Variants in IQSEC1 observed in about 807,000 individuals in gnomAD.
The protein encoded by IQSEC1 is IQ motif and Sec7 domain ArfGEF 1.
Under a neutral mutation model 91.0 loss-of-function variants are expected in IQSEC1, and 31 were observed. That is an observed-to-expected ratio of 0.34 (90% confidence interval 0.26 to 0.46). The LOEUF is 0.46. Ranked by LOEUF, IQSEC1 falls within the 20% of genes least tolerant of loss-of-function variation. IQSEC1 has a pLI of 1.00. For missense variants in IQSEC1, 1,388 were observed against 1,575.6 expected (o/e 0.88, Z 2.02); for synonymous variants, 699 against 662.6 (o/e 1.05, Z -0.84).
rs532092444 is a variant in IQSEC1 at position 12,899,301 on chromosome 3, C to T, written c.*1682G>A. 1.0e-4 allele frequency: 148 copies of T among 1,435,034 alleles called. No homozygotes were observed. The highest frequency in any genetic ancestry group is 4.0e-4 in the Middle Eastern group (2 of 5,012). The allele number at this position is 1,435,034 out of a possible 1,614,324, so 88.9% of individuals were successfully genotyped here. On this transcript the variant is annotated 3_prime_UTR_variant, in exon 14 of 14. Transcript: ENST00000613206. ...GCTGTCCACTGGGAACGCGGCCCCG[C>T]GGCCCGCAGAGTCAGGCGTGAGCTT...
chr3:13,047,557 GT>G, intron 1 of IQSEC1: 1 of 976,456 alleles, frequency 1.0e-6, no homozygotes, highest in African/African-American at 1.8e-5. Context: ...GTTACTTATG[GT>G]CCCACACACA....
intron 6 of IQSEC1, among the ~76,000 whole-genome samples, chr3:12,919,338 G>A (rs1696398367): frequency 6.6e-6 from 1 of 152,216 alleles, no homozygotes. Context: ...GCCCCAGCCT[G>A]CTCAGCGCCC....
At chr3:13,028,157 T>C (rs766283680) in intron 1 of IQSEC1, among the ~76,000 whole-genome samples, 1 of 152,078 alleles carries the variant, frequency 6.6e-6, no homozygotes, top group Non-Finnish European at 1.5e-5. Context: ...TGCTTATCCA[T>C]TTCTCACGCC....
chr3:12,925,220 C>G (rs767296596), intron 3 of IQSEC1, among the ~76,000 whole-genome samples: 10 of 152,236 alleles, frequency 6.6e-5, no homozygotes, highest in Non-Finnish European at 1.5e-4. Flanking sequence ...TGAAAGCCGC[C>G]ATGCCAGGCT....
chr3:13,168,519 C>A (rs2124995777), intron 1 of IQSEC1, among the ~76,000 whole-genome samples: 1 of 152,334 alleles, frequency 6.6e-6, no homozygotes, highest in South Asian at 2.1e-4. Context: ...TCTACCTTCA[C>A]TCTGCAGCAG....
intron 1 of IQSEC1, among the ~76,000 whole-genome samples, chr3:13,198,162 G>GC (rs11407127): frequency 0.11 from 16,145 of 152,140 alleles, 1,806 homozygotes; most frequent in East Asian, 0.3. Context: ...TTCTGCTCAT[G>GC]CCCCACAGAG....
At chr3:13,112,500 A>T (rs1706263700) in intron 2 of IQSEC1, among the ~76,000 whole-genome samples, 1 of 152,204 alleles carries the variant, frequency 6.6e-6, no homozygotes, top group African/African-American at 2.4e-5. Context: ...CGTCCGGAAA[A>T]AGCTCTGCCC....
chr3:13,240,103 G>A lies in IQSEC1; in HGVS notation c.272+42608C>T, dbSNP rs76635779. The stretch of plus-strand genomic sequence containing the variant: ...AAAAAAACAAACCTTGGCCGGCCGG[G>A]TGTGGTGGTTCATGCCTATAATCCT... On this transcript the variant is annotated intron_variant, in intron 1 of 15. Transcript: ENST00000648114. 6.0e-4 allele frequency among the ~76,000 whole-genome samples: 91 copies of A among 152,290 alleles called. No individual in the cohort carries two copies. In the East Asian group the frequency reaches 0.016, roughly 27 times the overall value.
chr3:13,015,055 G>A (rs1013691006), intron 1 of IQSEC1, among the ~76,000 whole-genome samples: 8 of 152,204 alleles, frequency 5.3e-5, no homozygotes, highest in Admixed American at 1.3e-4. Context: ...CCATAGGGTT[G>A]AGGGGGGCAG....
At chr3:12,973,810 C>T (rs962226164) in intron 1 of IQSEC1, among the ~76,000 whole-genome samples, 2 of 152,112 alleles carry the variant, frequency 1.3e-5, no homozygotes, top group African/African-American at 4.8e-5. Flanking sequence ...GTGCTGCCCA[C>T]CCATTGTTCA....
chr3:12,955,340 G>A (rs1199369838), intron 1 of IQSEC1, among the ~76,000 whole-genome samples: 10 of 152,248 alleles, frequency 6.6e-5, no homozygotes, highest in African/African-American at 2.4e-4. Context: ...TGCCGGGCTG[G>A]GCCGGGCATT....
chr3:13,215,666 A>G (rs150317796), intron 1 of IQSEC1, among the ~76,000 whole-genome samples: 19 of 152,298 alleles, frequency 1.2e-4, no homozygotes, highest in Non-Finnish European at 2.5e-4. Flanking sequence ...GGATGTGTTG[A>G]TGGGGCCCAG....
In IQSEC1 at chr3:12,965,127, TTC is replaced by T. The variant is rs529335050; in HGVS notation, c.24-23264_24-23263del. Among the ~76,000 whole-genome samples the T allele has an allele frequency of 1.7e-4, 26 of 152,288 alleles. No homozygotes were observed. The South Asian group carries it at 5.4e-3, about 32-fold the overall frequency. ...GTGATATTCTGGCCCAGTCTCTGGG[TTC>T]TCTTAGTGTGTGTACCCTTAAAAAA... On this transcript the variant is annotated intron_variant, in intron 1 of 13. Coordinates refer to ENST00000613206, the MANE Select transcript of IQSEC1 (RefSeq NM_001134382.3).
chr3:13,265,405 C>A (rs925687919), intron 1 of IQSEC1, among the ~76,000 whole-genome samples: 1 of 152,236 alleles, frequency 6.6e-6, no homozygotes, highest in Non-Finnish European at 1.5e-5. Flanking sequence ...CACCCCCACT[C>A]CCTCAAACTC....
chr3:12,993,284 G>A (rs1333598539), intron 1 of IQSEC1, among the ~76,000 whole-genome samples: 1 of 152,198 alleles, frequency 6.6e-6, no homozygotes, highest in Non-Finnish European at 1.5e-5. Context: ...GGGGTTGGGA[G>A]GCAGGGACAG....
chr3:13,133,941 C>T (rs1264322621), intron 2 of IQSEC1, among the ~76,000 whole-genome samples: 2 of 152,226 alleles, frequency 1.3e-5, no homozygotes, highest in Non-Finnish European at 2.9e-5. Context: ...AGACACCTAG[C>T]CTTCACCACC....
chr3:13,179,850 C>T (rs888751266), intron 1 of IQSEC1, among the ~76,000 whole-genome samples: 12 of 152,304 alleles, frequency 7.9e-5, no homozygotes, highest in Admixed American at 1.3e-4. Context: ...GCACTCAGAA[C>T]GGCTGGCTGG....
chr3:13,052,819 G>T, intron 1 of IQSEC1: 1 of 572,826 alleles, frequency 1.7e-6, no homozygotes, highest in Non-Finnish European at 3.1e-6. Flanking sequence ...GCCAACCAAC[G>T]CGTTCATAAC....
chr3:12,903,495 C>A lies in IQSEC1; in HGVS notation c.2756-673G>T, dbSNP rs563131601. ...GATTCCTCTGCTTGGTACCACCCCC[C>A]AAAGGGGCCACAAAGCCTTCCCTAA... On this transcript the variant is annotated intron_variant, in intron 12 of 13. Coordinates refer to ENST00000613206, the MANE Select transcript of IQSEC1 (RefSeq NM_001134382.3). Among the ~76,000 whole-genome samples the A allele has an allele frequency of 5.3e-5, 8 of 152,336 alleles. No individual in the cohort carries two copies. The South Asian group carries it at 1.7e-3, about 32-fold the overall frequency.
Sources: gnomAD v4.1 joint callset for allele counts (sites outside exome capture counted in the v4.1 genomes callset) on GRCh38, gnomAD v4.1.1 for gene constraint, MANE v1.5 for transcripts, NCBI Gene and HGNC (gene_info 2026-07-23, HGNC 2026-07-21) for gene names.